The following LRBA variants were observed in gnomAD, a reference collection of about 807,000 sequenced individuals.
LRBA encodes the protein lipopolysaccharide-responsive and beige-like anchor protein.
Under a neutral mutation model 330.0 loss-of-function variants are expected in LRBA, and 176 were observed. The ratio of observed to expected loss-of-function variants is 0.53; its 90% CI spans 0.47 to 0.60. The LOEUF (loss-of-function observed/expected upper bound fraction) is 0.60. LRBA is among the 20% of genes least tolerant of loss of function. The pLI is 0.00. For missense variants in LRBA, 3,259 were observed against 3,444.8 expected, an observed-to-expected ratio of 0.95 and a Z score of 1.35; for synonymous variants, 1,230 against 1,193.0, an observed-to-expected ratio of 1.03 and a Z score of -0.64.
intron 34 of LRBA, among the ~76,000 whole-genome samples, chr4:150,767,119 C>T (rs1289722070): frequency 2.0e-5 from 3 of 152,100 alleles, no homozygotes; most frequent in Non-Finnish European, 2.9e-5. Context: ...ATTAACCTAA[C>T]ATTATCTATT....
chr4:150,816,728 A>G (rs1744654511), intron 31 of LRBA, among the ~76,000 whole-genome samples: 1 of 151,996 alleles, frequency 6.6e-6, no homozygotes. Flanking sequence ...ACAGTCCAAA[A>G]TATTTGACAA....
At position 150,932,014 on chromosome 4, in the gene LRBA, A is replaced by G. The variant is rs117468460; in HGVS notation, c.217-2949T>C. Among the ~76,000 whole-genome samples, 73 of 152,276 alleles carry G rather than the reference A, an allele frequency of 4.8e-4. No individual in the cohort carries two copies. The East Asian group carries it at 0.013, about 27-fold the overall frequency. On this transcript the variant is annotated intron_variant, in intron 2 of 56. Transcript: ENST00000651943. ...CATGTGAGTGCAGGACTTCAAGGCT[A>G]CAGTGAGCTATGATCATGCCACTGA...
intron 36 of LRBA, among the ~76,000 whole-genome samples, chr4:150,728,801 A>G (rs923935288): frequency 2.0e-5 from 3 of 152,196 alleles, no homozygotes; most frequent in African/African-American, 7.2e-5. Flanking sequence ...TGACAAGAAC[A>G]TGTACTTTCA....
intron 17 of LRBA, among the ~76,000 whole-genome samples, chr4:150,877,188 G>A (rs1014020666): frequency 1.3e-5 from 2 of 151,394 alleles, no homozygotes; most frequent in Admixed American, 1.3e-4. Flanking sequence ...AACCTGGGAG[G>A]CAGAGCTTGC....
intron 47 of LRBA, among the ~76,000 whole-genome samples, chr4:150,373,515 A>G (rs1005003542): frequency 2.0e-5 from 3 of 152,104 alleles, no homozygotes; most frequent in African/African-American, 7.2e-5. Context: ...CCATGATCTA[A>G]TTTTCTGGCT....
chr4:150,313,276 A>C (rs1328280901), intron 51 of LRBA, among the ~76,000 whole-genome samples: 1 of 152,172 alleles, frequency 6.6e-6, no homozygotes, highest in Non-Finnish European at 1.5e-5. Context: ...AAAATATTGA[A>C]TATCAATTCA....
chr4:150,528,667 A>G (rs189541485), intron 40 of LRBA, among the ~76,000 whole-genome samples: 6 of 152,226 alleles, frequency 3.9e-5, no homozygotes. Flanking sequence ...AACGAGGTAG[A>G]GGATTGATTT....
At chr4:150,660,549 C>T (rs1435986954) in intron 37 of LRBA, among the ~76,000 whole-genome samples, 3 of 150,696 alleles carry the variant, frequency 2.0e-5, no homozygotes, top group Non-Finnish European at 4.5e-5. Flanking sequence ...TGCCCAGCCA[C>T]CACCCGGTCT....
chr4:150,373,956 C>T (rs1740847132), intron 47 of LRBA, among the ~76,000 whole-genome samples: 1 of 152,110 alleles, frequency 6.6e-6, no homozygotes, highest in South Asian at 2.1e-4. Context: ...AGACTATTAT[C>T]TGCTCCAGAT....
chr4:150,385,342 C>T (rs1028034366), intron 47 of LRBA, among the ~76,000 whole-genome samples: 1 of 151,978 alleles, frequency 6.6e-6, no homozygotes, highest in African/African-American at 2.4e-5. Context: ...GCATTATAGC[C>T]ATAAAGGGGC....
intron 34 of LRBA, among the ~76,000 whole-genome samples, chr4:150,767,791 C>T (rs1478264900): frequency 7.5e-6 from 1 of 133,262 alleles, no homozygotes; most frequent in East Asian, 2.3e-4. Context: ...TGGCCAGGCG[C>T]GGTGGCTCAC....
intron 34 of LRBA, among the ~76,000 whole-genome samples, chr4:150,775,399 G>C (rs530292364): frequency 1.3e-5 from 2 of 151,140 alleles, no homozygotes; most frequent in East Asian, 3.9e-4. Flanking sequence ...ATATGAATTA[G>C]TGATCCACAA....
At chr4:150,489,628 T>C (rs1758618653) in intron 41 of LRBA, among the ~76,000 whole-genome samples, 1 of 119,900 alleles carries the variant, frequency 8.3e-6, no homozygotes, top group Non-Finnish European at 1.6e-5. Context: ...TAAGAATATA[T>C]AATATATAAG....
chr4:150,363,866 A>G (rs1321995830), intron 47 of LRBA, among the ~76,000 whole-genome samples: 1 of 152,218 alleles, frequency 6.6e-6, no homozygotes, highest in Non-Finnish European at 1.5e-5. Context: ...TAGATCTTAA[A>G]GCACTGTTTA....
chr4:150,748,206 T>C (rs1315795135), intron 35 of LRBA, among the ~76,000 whole-genome samples: 2 of 152,222 alleles, frequency 1.3e-5, no homozygotes, highest in East Asian at 1.9e-4. Context: ...TCCATCATCA[T>C]TGCTACCACA....
intron 44 of LRBA, among the ~76,000 whole-genome samples, chr4:150,456,007 C>T (rs972253346): frequency 2.0e-5 from 3 of 152,202 alleles, no homozygotes; most frequent in East Asian, 1.9e-4. Flanking sequence ...GTATCTCATT[C>T]TTTTTTATGG....
At chr4:150,346,757 C>CAAAAAAAAA (rs57119340) in intron 48 of LRBA, among the ~76,000 whole-genome samples, 17 of 66,154 alleles carry the variant, frequency 2.6e-4, no homozygotes, top group African/African-American at 1.3e-3. Context: ...GACTCTGTCT[C>CAAAAAAAAA]AAAAAAAAAA....
intron 36 of LRBA, among the ~76,000 whole-genome samples, chr4:150,731,481 C>T (rs1210388611): frequency 6.6e-6 from 1 of 152,122 alleles, no homozygotes; most frequent in African/African-American, 2.4e-5. Context: ...GAGATTCTTT[C>T]CCATTTGCAA....
chr4:150,655,341 T>C (rs1175921038), intron 37 of LRBA, among the ~76,000 whole-genome samples: 2 of 152,194 alleles, frequency 1.3e-5, no homozygotes, highest in African/African-American at 4.8e-5. Context: ...TGTGTAAATG[T>C]AAAACAGATT....
Sources: gnomAD v4.1 joint callset for allele counts (sites outside exome capture counted in the v4.1 genomes callset) on GRCh38, gnomAD v4.1.1 for gene constraint, MANE v1.5 for transcripts, NCBI Gene and HGNC (gene_info 2026-07-23, HGNC 2026-07-21) for gene names.